Variants in FSIP2 observed in about 807,000 individuals in gnomAD.
FSIP2 encodes the protein fibrous sheath-interacting protein 2.
Under a neutral mutation model 510.5 loss-of-function variants are expected in FSIP2, and 367 were observed. The observed-to-expected ratio is 0.72, with a 90% CI of 0.66 to 0.78. FSIP2 has a LOEUF of 0.78. Ranked by LOEUF, FSIP2 falls within the 30% of genes least tolerant of loss-of-function variation. The pLI is 0.00. For synonymous variants in FSIP2, 2,601 were observed against 2,732.2 expected, an observed-to-expected ratio of 0.95 and a Z score of 1.50; for missense variants, 7,594 against 7,901.7, an observed-to-expected ratio of 0.96 and a Z score of 1.48.
intron 7 of FSIP2, among the ~76,000 whole-genome samples, chr2:185,750,413 T>C (rs1260361470): frequency 6.6e-6 from 1 of 151,614 alleles, no homozygotes; most frequent in Non-Finnish European, 1.5e-5. Context: ...AAGTTGTTTA[T>C]AACATTCCTT....
chr2:185,804,651 TTC>T lies in FSIP2; in HGVS notation c.15349_15350del (p.Leu5117PhefsTer19), dbSNP rs1559034122. On this transcript the variant is annotated frameshift_variant, in exon 17 of 23. Coordinates refer to ENST00000424728, the MANE Select transcript of FSIP2 (RefSeq NM_173651.4). LOFTEE classifies it high-confidence loss of function. ...CACCATATATTACTGTGTTGCCTCA[TTC>T]TCTTTTAGAAGATATGGTTTACAGG... ...LPPYITVLPH[S>X]LLEDMVYRLL... 6.5e-7 allele frequency: 1 copy of T among 1,533,036 alleles called. No individual in the cohort carries two copies. The highest frequency in any genetic ancestry group is 8.7e-7 in the Non-Finnish European group (1 of 1,144,858). 95.0% of individuals were successfully genotyped at this position (1,533,036 alleles called of 1,614,324 possible).
At chr2:185,745,684 C>A in intron 5 of FSIP2, 116 bp downstream of exon 5, 1 of 911,968 alleles carries the variant, frequency 1.1e-6, no homozygotes, top group Non-Finnish European at 1.5e-6. Context: ...CTGGATCCCT[C>A]AGAGTGTAGA....
chr2:185,803,951 A>C lies in FSIP2; in HGVS notation c.14645A>C (p.Lys4882Thr). ...SHSNIYQSIT[K>T]DKKSISDIPV... Reference sequence around the variant, plus strand: ...TCAAATATATACCAGTCCATTACAAAAGATAAAAAGAGCATAAGTGACATA... The same window carrying C: ...TCAAATATATACCAGTCCATTACAACAGATAAAAAGAGCATAAGTGACATA... The change falls in exon 17 of 23, where the codon AAA becomes ACA. Residue 4882 changes from lysine to threonine, a missense_variant. Physicochemically the swap from Lys to Thr is moderately conservative, Grantham distance 78 (BLOSUM62 -1). Transcript: ENST00000424728. 1 of 1,509,444 alleles carries C rather than the reference A, an allele frequency of 6.6e-7. No homozygotes were observed. The highest frequency in any genetic ancestry group is 8.8e-7 in the Non-Finnish European group (1 of 1,130,824). 93.5% of individuals were successfully genotyped at this position (1,509,444 alleles called of 1,614,324 possible). A position where few individuals can be genotyped will look rare whatever the true frequency, so the allele number is the denominator to read the frequency against.
chr2:185,746,348 C>T (rs1692033875), intron 5 of FSIP2, among the ~76,000 whole-genome samples: 1 of 151,618 alleles, frequency 6.6e-6, no homozygotes, highest in African/African-American at 2.4e-5. Context: ...TTTGCAAGGT[C>T]ATATTCTTAA....
chr2:185,738,876 T>C lies in FSIP2; in HGVS notation c.-19T>C. On this transcript the variant is annotated 5_prime_UTR_variant, in exon 1 of 23. Transcript: ENST00000424728. ...AGAGCGGGGCGGGTGAGGAAGGGGC[T>C]GAGGGGGCTGTGCCGGCCATGGAGC... 6.6e-7 allele frequency: 1 copy of C among 1,516,568 alleles called. No homozygotes were observed. The highest frequency in any genetic ancestry group is 1.2e-5 in the South Asian group (1 of 83,556). 93.9% of individuals were successfully genotyped at this position (1,516,568 alleles called of 1,614,324 possible).
In FSIP2 at chr2:185,790,298, G is replaced by T. The variant is rs1439626883; in HGVS notation, c.3162G>T (p.Lys1054Asn). 6.5e-7 allele frequency: 1 copy of T among 1,533,810 alleles called. No individual in the cohort carries two copies. The highest frequency in any genetic ancestry group is 2.4e-5 in the East Asian group (1 of 40,842). ...ECKRNIKPPT[K>N]PGSRSKAAFH... ...AAAGAAATATCAAACCACCTACAAAGCCTGGTTCTAGAAGCAAAGCTGCAT... is the reference window on the plus strand; with the variant it reads ...AAAGAAATATCAAACCACCTACAAATCCTGGTTCTAGAAGCAAAGCTGCAT... Residue 1054 changes from lysine (K) to asparagine (N), a missense_variant, in exon 16 of 23, where the codon AAG (lysine) becomes AAT (asparagine). Lys to Asn is a moderately conservative substitution (Grantham distance 94, BLOSUM62 0). Coordinates refer to ENST00000424728, the MANE Select transcript of FSIP2 (RefSeq NM_173651.4).
chr2:185,811,664 G>A (rs897099720), intron 17 of FSIP2, among the ~76,000 whole-genome samples: 16 of 152,176 alleles, frequency 1.1e-4, no homozygotes, highest in Non-Finnish European at 2.2e-4. Context: ...AAGCATTTCA[G>A]AGACCCTCAC....
rs2105648074 is a variant in FSIP2 at position 185,805,181 on chromosome 2, T to C, written c.15875T>C (p.Leu5292Pro). 6.2e-7 allele frequency: 1 copy of C among 1,608,882 alleles called. No individual in the cohort carries two copies. Among genetic ancestry groups the C allele is most frequent in the Non-Finnish European group, 8.5e-7 (1 of 1,177,470 alleles). The part of the protein sequence containing the change: ...IDLVHKFCSL[L>P]IITEDSKKNE... Reference sequence around the variant, plus strand: ...CTTGTTCACAAATTTTGTTCTCTCCTCATTATTACTGAAGATTCTAAGAAA... The same window carrying C: ...CTTGTTCACAAATTTTGTTCTCTCCCCATTATTACTGAAGATTCTAAGAAA... Residue 5292 changes from leucine (L) to proline (P), a missense_variant, in exon 17 of 23, where the codon CTC becomes CCC. Coordinates refer to ENST00000424728, the MANE Select transcript of FSIP2 (RefSeq NM_173651.4).
At chr2:185,830,765 C>T (rs1004990529) in intron 21 of FSIP2, among the ~76,000 whole-genome samples, 4 of 151,586 alleles carry the variant, frequency 2.6e-5, no homozygotes, top group African/African-American at 9.7e-5. Context: ...GAGAGAAGGC[C>T]AACTGTATGT....
intron 13 of FSIP2, among the ~76,000 whole-genome samples, chr2:185,776,485 A>T (rs35733352): frequency 0.097 from 14,751 of 152,032 alleles, 761 homozygotes; most frequent in Middle Eastern, 0.14. Context: ...AATTTTGATA[A>T]CATTATTTAT....
Position 185,821,024 on chromosome 2 carries a change from A to G in FSIP2, c.20427-3410A>G, listed in dbSNP as rs868386599. On this transcript the variant is annotated intron_variant, in intron 19 of 22. Transcript: ENST00000424728. Reference sequence around the variant, plus strand: ...GTTGGTTCGTTAAAAAAAAAAAAAAAAAAAAAAAAAAAAATCAACGAAATT... The same window carrying G: ...GTTGGTTCGTTAAAAAAAAAAAAAAGAAAAAAAAAAAAAATCAACGAAATT... Among the ~76,000 whole-genome samples, 369 of 146,696 alleles carry G rather than the reference A, an allele frequency of 2.5e-3. 2 individuals carry two copies. Among genetic ancestry groups the G allele is most frequent in the Middle Eastern group, 0.025 (7 of 280 alleles).
In FSIP2 at chr2:185,805,541, C is replaced by T. The variant is rs781720656; in HGVS notation, c.16235C>T (p.Pro5412Leu). The change falls in exon 17 of 23, where the codon CCA becomes CTA. Residue 5412 changes from proline (P) to leucine (L), a missense_variant. Transcript: ENST00000424728. Reference sequence around the variant, plus strand: ...TCCACCTTCTTTTCATTTCTAAATCCAGATAATATCACCCAAAGGGTTCAA... The same window carrying T: ...TCCACCTTCTTTTCATTTCTAAATCTAGATAATATCACCCAAAGGGTTCAA... ...WSSTFFSFLN[P>L]DNITQRVQHL... The T allele has an allele frequency of 6.2e-7, 1 of 1,611,392 alleles. No individual in the cohort carries two copies. Among genetic ancestry groups the T allele is most frequent in the African/African-American group, 1.3e-5 (1 of 74,838 alleles).
In FSIP2 at chr2:185,790,397, G is replaced by T; in HGVS notation, c.3261G>T (p.Ser1087=). The T allele has an allele frequency of 6.5e-7, 1 of 1,528,482 alleles. No individual in the cohort carries two copies. The highest frequency in any genetic ancestry group is 8.7e-7 in the Non-Finnish European group (1 of 1,144,100). The allele number at this position is 1,528,482 out of a possible 1,614,324, so 94.7% of individuals were successfully genotyped here. The change falls in exon 16 of 23, where the codon TCG becomes TCT. Residue 1087 remains serine, a synonymous_variant. Coordinates refer to ENST00000424728, the MANE Select transcript of FSIP2 (RefSeq NM_173651.4). ...ATATTTTAAAGAAAAAACTTTCTTC[G>T]AATAAAGACATTTCAACTTTCAGCC... ...HEDILKKKLS[S]NKDISTFSQD... is the part of the protein sequence containing the mutation.
intron 2 of FSIP2, 21 bp from the exon 3 acceptor site, chr2:185,743,111 AT>A: frequency 1.4e-6 from 2 of 1,395,678 alleles, no homozygotes; most frequent in South Asian, 1.5e-5. Flanking sequence ...AATTTTACAT[AT>A]TTTTGAATCT....
chr2:185,778,063 A>G (rs191895730), intron 13 of FSIP2, among the ~76,000 whole-genome samples: 2 of 152,174 alleles, frequency 1.3e-5, no homozygotes, highest in Admixed American at 6.5e-5. Flanking sequence ...GAGTGCTTTT[A>G]GCAAGTAACT....
chr2:185,776,437 G>A (rs1300419851), intron 13 of FSIP2, among the ~76,000 whole-genome samples: 1 of 151,922 alleles, frequency 6.6e-6, no homozygotes, highest in Admixed American at 6.6e-5. Context: ...ATCCCTTTCA[G>A]TGTAATGGTT....
chr2:185,814,394 A>G (rs1693794611), intron 18 of FSIP2, among the ~76,000 whole-genome samples: 1 of 152,076 alleles, frequency 6.6e-6, no homozygotes, highest in Admixed American at 6.6e-5. Flanking sequence ...TAATGCTACT[A>G]GAATAGCACC....
At chr2:185,809,645 A>G (rs866985328) in intron 17 of FSIP2, among the ~76,000 whole-genome samples, 1 of 151,974 alleles carries the variant, frequency 6.6e-6, no homozygotes, top group Admixed American at 6.6e-5. Context: ...TGGACTGCCA[A>G]CTCTTAGATT....
intron 19 of FSIP2, among the ~76,000 whole-genome samples, chr2:185,818,952 T>A (rs966734366): frequency 1.3e-5 from 2 of 151,948 alleles, no homozygotes; most frequent in African/African-American, 2.4e-5. Flanking sequence ...ATAATTTAGC[T>A]CATATATCCA....
Sources: allele counts gnomAD v4.1 joint callset (sites outside exome capture counted in the v4.1 genomes callset), GRCh38; gene constraint gnomAD v4.1.1; transcripts MANE v1.5; gene names NCBI Gene and HGNC (gene_info 2026-07-23, HGNC 2026-07-21).